Variants in WWTR1 observed in about 807,000 individuals in gnomAD.
The protein encoded by WWTR1 is WW domain containing transcription regulator 1.
In WWTR1, 13 loss-of-function variants were observed where a neutral mutation model predicts 40.1. The observed-to-expected ratio is 0.32, with a 90% CI of 0.21 to 0.52. WWTR1 has a LOEUF of 0.52. Ranked by LOEUF, WWTR1 falls within the 20% of genes least tolerant of loss-of-function variation. The pLI, the probability that WWTR1 is intolerant of heterozygous loss-of-function variation, is 0.97. For missense variants in WWTR1, 436 were observed against 523.1 expected, an observed-to-expected ratio of 0.83 and a Z score of 1.63; for synonymous variants, 230 against 210.1, an observed-to-expected ratio of 1.09 and a Z score of -0.82.
chr3:149,704,565 A>C (rs1576647447), upstream of WWTR1, among the ~76,000 whole-genome samples: 1 of 152,196 alleles, frequency 6.6e-6, no homozygotes, highest in East Asian at 1.9e-4. Flanking sequence ...TCCAAATTCA[A>C]CCTCCAGAAC....
At position 149,542,460 on chromosome 3, in the gene WWTR1, C is replaced by A. The variant is rs753225952; in HGVS notation, c.646G>T (p.Ala216Ser). 16 of 1,613,868 alleles carry A rather than the reference C, an allele frequency of 9.9e-6. No individual in the cohort carries two copies. Among genetic ancestry groups the A allele is most frequent in the Non-Finnish European group, 1.4e-5 (16 of 1,179,942 alleles). The part of the protein sequence containing the change: ...QQNHPTQNPP[A>S]GLMSMPNALT... ...GCATTGGGCATACTCATGAGCCCTGCGGGTGGGTTCTGAGTGGGGTGGTTC... is the reference window on the plus strand; with the variant it reads ...GCATTGGGCATACTCATGAGCCCTGAGGGTGGGTTCTGAGTGGGGTGGTTC... Residue 216 changes from alanine (A) to serine (S), a missense_variant, in exon 4 of 7, where the codon GCA becomes TCA. Physicochemically the swap from Ala to Ser is moderately conservative, Grantham distance 99. Coordinates refer to ENST00000360632, the MANE Select transcript of WWTR1 (RefSeq NM_015472.6).
At chr3:149,711,364 C>CA (rs1715473961) in intron 5 of WWTR1, among the ~76,000 whole-genome samples, 2 of 151,980 alleles carry the variant, frequency 1.3e-5, no homozygotes, top group African/African-American at 4.8e-5. Flanking sequence ...ATATAATAGT[C>CA]AAAAGTATAT....
chr3:149,707,060 T>TC (rs1427409312), upstream of WWTR1, among the ~76,000 whole-genome samples: 1 of 152,218 alleles, frequency 6.6e-6, no homozygotes, highest in Non-Finnish European at 1.5e-5. Context: ...TTAGCCCTCT[T>TC]CCAGATGTTT....
chr3:149,653,127 C>T (rs926625131), intron 2 of WWTR1, among the ~76,000 whole-genome samples: 3 of 152,112 alleles, frequency 2.0e-5, no homozygotes, highest in Admixed American at 1.3e-4. Flanking sequence ...TATAAAATCA[C>T]GTTACTCAAA....
chr3:149,702,354 A>G (rs1221891013), intron 1 of WWTR1: 2 of 152,136 alleles, frequency 1.3e-5, no homozygotes, highest in African/African-American at 4.8e-5. Flanking sequence ...GGCTGGCTCA[A>G]TGCAGAGATT....
At chr3:149,636,860 G>A (rs1333416420) in intron 2 of WWTR1, among the ~76,000 whole-genome samples, 2 of 151,412 alleles carry the variant, frequency 1.3e-5, no homozygotes, top group African/African-American at 2.4e-5. Flanking sequence ...CCAGCTACTC[G>A]GGAGGCTGAG....
chr3:149,518,173 G>A lies in WWTR1; in HGVS notation c.*2632C>T, dbSNP rs1356382855. 1 of 151,848 alleles carries A rather than the reference G, an allele frequency of 6.6e-6. No individual in the cohort carries two copies. The highest frequency in any genetic ancestry group is 6.6e-5 in the Admixed American group (1 of 15,234). The allele number at this position is 151,848 out of a possible 1,614,324, so 9.4% of individuals were successfully genotyped here. ...GGCTTTATCTATTAGTAAACACAAA[G>A]GGTCCATATTTTATTCTGAAAAAAT... On this transcript the variant is annotated 3_prime_UTR_variant, in exon 7 of 7. Coordinates refer to ENST00000360632, the MANE Select transcript of WWTR1 (RefSeq NM_015472.6).
Position 149,547,200 on chromosome 3 carries a change from T to G in WWTR1, c.569-4663A>C, listed in dbSNP as rs922363228. On this transcript the variant is annotated intron_variant, in intron 3 of 6. Coordinates refer to ENST00000360632, the MANE Select transcript of WWTR1 (RefSeq NM_015472.6). The stretch of plus-strand genomic sequence containing the variant: ...TCCTTGGGATAATATTCCAGAACAT[T>G]TTAGGGAGAGAACAATAGTTCCATT... 2.0e-5 allele frequency among the ~76,000 whole-genome samples: 3 copies of G among 147,752 alleles called. No homozygotes were observed. The Admixed American group carries it at 2.1e-4, about 10-fold the overall frequency.
intron 2 of WWTR1, among the ~76,000 whole-genome samples, chr3:149,619,222 C>G (rs184900580): frequency 1.3e-5 from 2 of 151,986 alleles, no homozygotes; most frequent in Non-Finnish European, 2.9e-5. Flanking sequence ...TATGAGGAGC[C>G]CCCTGAAACT....
At chr3:149,568,217 C>A (rs1248716942) in intron 3 of WWTR1, among the ~76,000 whole-genome samples, 1 of 150,910 alleles carries the variant, frequency 6.6e-6, no homozygotes, top group Non-Finnish European at 1.5e-5. Context: ...GAAACCCCAT[C>A]TCTACTAAAA....
intron 2 of WWTR1, among the ~76,000 whole-genome samples, chr3:149,635,653 A>C (rs1231056313): frequency 6.6e-6 from 1 of 152,054 alleles, no homozygotes; most frequent in African/African-American, 2.4e-5. Flanking sequence ...AAGAAGGAGA[A>C]GAAGAAAAAC....
At chr3:149,541,161 A>T in intron 4 of WWTR1, 1 of 392,224 alleles carries the variant, frequency 2.5e-6, no homozygotes, top group South Asian at 1.8e-5. Flanking sequence ...AAGTTAAAAC[A>T]ATAAACTGAA....
chr3:149,712,164 T>C (rs4544551), intron 5 of WWTR1, among the ~76,000 whole-genome samples: 21,611 of 152,140 alleles, frequency 0.14, 1,648 homozygotes, highest in Middle Eastern at 0.19. Flanking sequence ...GTAATGTGTA[T>C]CTGTAGTCCA....
intron 2 of WWTR1, among the ~76,000 whole-genome samples, chr3:149,652,139 G>A (rs907081831): frequency 3.3e-5 from 5 of 151,432 alleles, no homozygotes; most frequent in Admixed American, 1.3e-4. Flanking sequence ...CACTGCGCCC[G>A]GCCTTATGGA....
intron 2 of WWTR1, among the ~76,000 whole-genome samples, chr3:149,645,520 G>T (rs1269535986): frequency 6.6e-6 from 1 of 152,174 alleles, no homozygotes; most frequent in Non-Finnish European, 1.5e-5. Context: ...TTTGGTAAGA[G>T]TATGTATTAT....
At chr3:149,543,891 A>G (rs1736251399) in intron 3 of WWTR1, among the ~76,000 whole-genome samples, 1 of 149,980 alleles carries the variant, frequency 6.7e-6, no homozygotes. Context: ...ACTTTAAAAC[A>G]TTTTATAATA....
chr3:149,528,760 C>T (rs778794603), intron 4 of WWTR1, among the ~76,000 whole-genome samples: 17 of 151,902 alleles, frequency 1.1e-4, no homozygotes, highest in South Asian at 2.1e-4. Context: ...CAGAGTGAGA[C>T]GCTGTCTCAA....
At chr3:149,670,133 G>T (rs1329477816) in intron 1 of WWTR1, among the ~76,000 whole-genome samples, 6 of 152,222 alleles carry the variant, frequency 3.9e-5, no homozygotes, top group African/African-American at 1.4e-4. Flanking sequence ...AGAAACCACG[G>T]CCTTCAGTGT....
Position 149,519,026 on chromosome 3 carries a change from C to G in WWTR1, c.*1779G>C, listed in dbSNP as rs1472381532. The G allele has an allele frequency of 1.3e-5, 2 of 151,912 alleles. No individual in the cohort carries two copies. The highest frequency in any genetic ancestry group is 2.9e-5 in the Non-Finnish European group (2 of 68,004). The allele number at this position is 151,912 out of a possible 1,614,324, so 9.4% of individuals were successfully genotyped here. On this transcript the variant is annotated 3_prime_UTR_variant, in exon 7 of 7. Coordinates refer to ENST00000360632, the MANE Select transcript of WWTR1 (RefSeq NM_015472.6). ...GATCAAAAGGAATCTTATTTAAGAT[C>G]CCCAACAAATAAGTCCCCCATGGAA...
Sources: gnomAD v4.1 joint callset for allele counts (sites outside exome capture counted in the v4.1 genomes callset) on GRCh38, gnomAD v4.1.1 for gene constraint, MANE v1.5 for transcripts, NCBI Gene and HGNC (gene_info 2026-07-23, HGNC 2026-07-21) for gene names.